The following MACROD2 variants were observed in gnomAD, a reference collection of about 807,000 sequenced individuals.
MACROD2 encodes mono-ADP ribosylhydrolase 2.
A neutral mutation model predicts 70.4 loss-of-function variants in MACROD2; 36 were observed. The observed-to-expected ratio is 0.51, with a 90% CI of 0.39 to 0.68. The LOEUF (loss-of-function observed/expected upper bound fraction) is 0.68. Among genes scored for constraint, MACROD2 ranks in the 30% least tolerant of loss-of-function variants. The pLI, the probability that MACROD2 is intolerant of heterozygous loss-of-function variation, is 0.00. For missense variants in MACROD2, 496 were observed against 538.4 expected (o/e 0.92, Z 0.78); for synonymous variants, 172 against 178.8 (o/e 0.96, Z 0.30).
intron 6 of MACROD2, among the ~76,000 whole-genome samples, chr20:15,257,470 T>C (rs942793696): frequency 6.6e-6 from 1 of 152,058 alleles, no homozygotes; most frequent in African/African-American, 2.4e-5. Context: ...TGTAAAAATG[T>C]CACAGTATAA....
chr20:15,535,569 T>C (rs1448422577), intron 8 of MACROD2, among the ~76,000 whole-genome samples: 1 of 152,212 alleles, frequency 6.6e-6, no homozygotes, highest in Admixed American at 6.5e-5. Context: ...CAGATTATTA[T>C]ACTGAGAGCT....
chr20:14,273,941 C>A (rs948281650), intron 3 of MACROD2, among the ~76,000 whole-genome samples: 3 of 152,160 alleles, frequency 2.0e-5, no homozygotes, highest in Non-Finnish European at 4.4e-5. Context: ...CAAGACTAAA[C>A]CAGGAAGAAG....
chr20:15,677,549 G>A (rs745525664), intron 8 of MACROD2, among the ~76,000 whole-genome samples: 2 of 152,106 alleles, frequency 1.3e-5, no homozygotes, highest in Non-Finnish European at 2.9e-5. Flanking sequence ...CTACTACCAG[G>A]AATAGCTGTG....
chr20:15,667,146 A>T (rs114658598), intron 8 of MACROD2, among the ~76,000 whole-genome samples: 2,719 of 152,206 alleles, frequency 0.018, 35 homozygotes, highest in African/African-American at 0.027. Context: ...TGTTTTGGCC[A>T]TCAGGGTGGA....
chr20:15,000,629 CAAAAAAAAAAAAAAA>C (rs398040701), intron 5 of MACROD2, among the ~76,000 whole-genome samples: 9 of 21,982 alleles, frequency 4.1e-4, no homozygotes, highest in East Asian at 1.5e-3. Context: ...GACTCCGTCT[CAAAAAAAAAAAAAAA>C]AAAAAAAAAA....
At chr20:14,082,630 T>C (rs564058054) in intron 2 of MACROD2, among the ~76,000 whole-genome samples, 27 of 152,280 alleles carry the variant, frequency 1.8e-4, no homozygotes, top group Admixed American at 9.2e-4. Flanking sequence ...ATAATACTTC[T>C]TAGAGCTAAA....
chr20:15,424,876 C>T (rs2046277191), intron 6 of MACROD2, among the ~76,000 whole-genome samples: 2 of 152,226 alleles, frequency 1.3e-5, no homozygotes, highest in Admixed American at 1.3e-4. Context: ...TCTGCCTATA[C>T]ACATACACAC....
At position 14,702,619 on chromosome 20, in the gene MACROD2, A is replaced by ATGTGGG. The variant is rs1293803582; in HGVS notation, c.418+17661_418+17662insGTGGGT. On this transcript the variant is annotated intron_variant, in intron 5 of 17. Transcript: ENST00000684519. Reference sequence around the variant, plus strand: ...TATGTGTGTATATATATGTGTATATATATATACATATATATATGTATATAT... The same window carrying ATGTGGG: ...TATGTGTGTATATATATGTGTATATATGTGGGTATATACATATATATATGTATATAT... 2.6e-4 allele frequency among the ~76,000 whole-genome samples: 16 copies of ATGTGGG among 62,506 alleles called. 1 individual carries two copies. Among genetic ancestry groups the ATGTGGG allele is most frequent in the East Asian group, 8.6e-4 (1 of 1,158 alleles). 41.0% of individuals were successfully genotyped at this position (62,506 alleles called of 152,430 possible).
intron 5 of MACROD2, among the ~76,000 whole-genome samples, chr20:14,786,208 G>T (rs563830172): frequency 8.8e-5 from 13 of 148,068 alleles, no homozygotes; most frequent in South Asian, 8.6e-4. Context: ...GAAAGATAGA[G>T]AGAGAGAGAG....
At chr20:14,271,490 CT>C in intron 3 of MACROD2, among the ~76,000 whole-genome samples, 1 of 152,282 alleles carries the variant, frequency 6.6e-6, no homozygotes, top group African/African-American at 2.4e-5. Flanking sequence ...AAAAACCCAT[CT>C]GCACATCACC....
intron 1 of MACROD2, among the ~76,000 whole-genome samples, chr20:13,999,735 C>T (rs1184324835): frequency 6.6e-6 from 1 of 152,208 alleles, no homozygotes; most frequent in Non-Finnish European, 1.5e-5. Flanking sequence ...CAGATTTGCA[C>T]CATTTAGATT....
chr20:16,040,700 G>A (rs1011875013), intron 15 of MACROD2, among the ~76,000 whole-genome samples: 1 of 151,882 alleles, frequency 6.6e-6, no homozygotes, highest in Admixed American at 6.6e-5. Context: ...GTCTCCTAAG[G>A]AAACAACTAA....
At position 15,355,948 on chromosome 20, in the gene MACROD2, C is replaced by A. The variant is rs185935055; in HGVS notation, c.541-75457C>A. Among the ~76,000 whole-genome samples the A allele has an allele frequency of 1.6e-4, 24 of 152,300 alleles. No individual in the cohort carries two copies. The East Asian group carries it at 3.9e-3, about 24-fold the overall frequency. ...ACACTGGGTTCTAACTCTGTTCTAA[C>A]CTTTCCAAGCTCTAGTTCTAGTAAT... On this transcript the variant is annotated intron_variant, in intron 6 of 17. Coordinates refer to ENST00000684519, the MANE Select transcript of MACROD2 (RefSeq NM_001351661.2).
At chr20:15,319,014 A>G (rs1568718497) in intron 6 of MACROD2, among the ~76,000 whole-genome samples, 1 of 152,148 alleles carries the variant, frequency 6.6e-6, no homozygotes, top group Non-Finnish European at 1.5e-5. Flanking sequence ...AGGAAGAAGT[A>G]AAACTATTTC....
intron 6 of MACROD2, among the ~76,000 whole-genome samples, chr20:15,401,786 C>A (rs1311654564): frequency 1.3e-5 from 2 of 152,120 alleles, no homozygotes; most frequent in African/African-American, 2.4e-5. Flanking sequence ...GTTATAGGAT[C>A]CACCAGGTAG....
Position 14,095,353 on chromosome 20 carries a change from A to G in MACROD2, c.271+9625A>G, listed in dbSNP as rs1461094648. ...TAGAGGATAGGAAATGTAGGACTCAAGTGAGAGACTGGAATTAAAGACATA... is the reference window on the plus strand; with the variant it reads ...TAGAGGATAGGAAATGTAGGACTCAGGTGAGAGACTGGAATTAAAGACATA... On this transcript the variant is annotated intron_variant, in intron 3 of 17. Coordinates refer to ENST00000684519, the MANE Select transcript of MACROD2 (RefSeq NM_001351661.2). 2.0e-5 allele frequency among the ~76,000 whole-genome samples: 3 copies of G among 152,340 alleles called. No individual in the cohort carries two copies. The East Asian group carries it at 5.8e-4, about 29-fold the overall frequency.
chr20:15,114,172 A>T (rs1475768162), intron 5 of MACROD2, among the ~76,000 whole-genome samples: 4 of 151,932 alleles, frequency 2.6e-5, no homozygotes, highest in African/African-American at 9.7e-5. Flanking sequence ...CCTGCATCAG[A>T]CCTCTGTCTC....
chr20:14,402,879 CAAG>C (rs2083652907), intron 3 of MACROD2, among the ~76,000 whole-genome samples: 1 of 152,004 alleles, frequency 6.6e-6, no homozygotes, highest in Non-Finnish European at 1.5e-5. Flanking sequence ...TTTTCTTGTT[CAAG>C]AAGGAGGAAG....
intron 3 of MACROD2, among the ~76,000 whole-genome samples, chr20:14,339,189 G>A (rs2082986708): frequency 6.6e-6 from 1 of 152,174 alleles, no homozygotes; most frequent in Admixed American, 6.5e-5. Flanking sequence ...TATCAAAGTA[G>A]GTGAACCCTT....
Sources: allele counts gnomAD v4.1 joint callset (sites outside exome capture counted in the v4.1 genomes callset), GRCh38; gene constraint gnomAD v4.1.1; transcripts MANE v1.5; gene names NCBI Gene and HGNC (gene_info 2026-07-23, HGNC 2026-07-21).